POT1: variants seen among roughly 807,000 people sequenced by gnomAD.
POT1 encodes protection of telomeres 1, also known as protection of telomeres protein 1.
POT1 carries 47 observed loss-of-function variants against 78.5 expected under a neutral mutation model. The ratio of observed to expected loss-of-function variants is 0.60; its 90% CI spans 0.47 to 0.76. The LOEUF (loss-of-function observed/expected upper bound fraction) is 0.76, where lower values mean the gene tolerates loss of function less well. POT1 is among the 30% of genes least tolerant of loss of function. POT1 has a pLI of 0.00. For synonymous variants in POT1, 259 were observed against 260.7 expected, an observed-to-expected ratio of 0.99 and a Z score of 0.06; for missense variants, 646 against 749.9, an observed-to-expected ratio of 0.86 and a Z score of 1.62.
chr7:124,882,227 A>G (rs1293839262), intron 6 of POT1, among the ~76,000 whole-genome samples: 1 of 152,038 alleles, frequency 6.6e-6, no homozygotes, highest in Non-Finnish European at 1.5e-5. Flanking sequence ...TCTCCTTTTT[A>G]TCTACTAAAA....
intron 6 of POT1, among the ~76,000 whole-genome samples, chr7:124,884,534 A>G (rs1209275988): frequency 6.6e-6 from 1 of 152,136 alleles, no homozygotes; most frequent in Non-Finnish European, 1.5e-5. Context: ...AACAGACCAT[A>G]CCTGAGGTAA....
At chr7:124,926,683 A>G (rs536912721) in intron 2 of POT1, among the ~76,000 whole-genome samples, 4 of 152,326 alleles carry the variant, frequency 2.6e-5, no homozygotes, top group Admixed American at 6.5e-5. Flanking sequence ...AATCAACCAA[A>G]GTGTACATCG....
chr7:124,846,184 C>CACACACACACACACA (rs1554421673), intron 12 of POT1, among the ~76,000 whole-genome samples: 3 of 150,572 alleles, frequency 2.0e-5, no homozygotes, highest in Admixed American at 6.6e-5. Flanking sequence ...CACACACACA[C>CACACACACACACACA]CCCTATAATA....
chr7:124,926,159 A>G (rs985187443), intron 2 of POT1, among the ~76,000 whole-genome samples: 1 of 152,116 alleles, frequency 6.6e-6, no homozygotes, highest in Non-Finnish European at 1.5e-5. Context: ...AACAGAATGA[A>G]CAATCTCAGG....
chr7:124,837,189 A>G (rs978150472), intron 14 of POT1: 5 of 301,750 alleles, frequency 1.7e-5, no homozygotes, highest in Non-Finnish European at 3.3e-5. Flanking sequence ...TCTGTTTACA[A>G]AGGGGATATA....
chr7:124,902,098 C>T (rs961817519), intron 3 of POT1, among the ~76,000 whole-genome samples: 1 of 152,210 alleles, frequency 6.6e-6, no homozygotes, highest in Non-Finnish European at 1.5e-5. Context: ...TTGGAAAACA[C>T]TCTCCAGGAT....
Position 124,871,102 on chromosome 7 carries a change from G to A in POT1, c.125-61C>T, listed in dbSNP as rs199878533. The A allele has an allele frequency of 2.9e-5, 41 of 1,407,182 alleles. No individual in the cohort carries two copies. In the East Asian group the frequency reaches 9.8e-4, roughly 34 times the overall value. 87.2% of individuals were successfully genotyped at this position (1,407,182 alleles called of 1,614,324 possible). On this transcript the variant is annotated intron_variant, in intron 6 of 18. Transcript: ENST00000357628. ...TATTTTAAAGCATTTGATAAAATAA[G>A]AATATGCTTACTTCAAAACACCAAA...
intron 2 of POT1, among the ~76,000 whole-genome samples, chr7:124,925,620 A>T (rs1797255237): frequency 6.6e-6 from 1 of 152,156 alleles, no homozygotes; most frequent in Admixed American, 6.5e-5. Context: ...TAAAGTTCAT[A>T]TGGAACCAAA....
chr7:124,891,946 A>G (rs1796381412), intron 6 of POT1, among the ~76,000 whole-genome samples: 1 of 151,564 alleles, frequency 6.6e-6, no homozygotes, highest in South Asian at 2.1e-4. Flanking sequence ...TTATGCATCA[A>G]TGTTACAGAA....
At chr7:124,911,282 C>A (rs1354841955) in intron 3 of POT1, among the ~76,000 whole-genome samples, 1 of 152,078 alleles carries the variant, frequency 6.6e-6, no homozygotes, top group Non-Finnish European at 1.5e-5. Context: ...CAAAGGGATT[C>A]ATTTGGAGCA....
rs746796357 is a variant in POT1, at chr7:124,829,282, T to C, written c.1566A>G (p.Thr522=). 10 of 1,605,306 alleles carry C rather than the reference T, an allele frequency of 6.2e-6. No homozygotes were observed. The highest frequency in any genetic ancestry group is 7.7e-6 in the Non-Finnish European group (9 of 1,172,286). ...CTGCCACAGAAGAAGGAATCCACGA[T>C]GTTTTATCAACCAGGGAATTTAGAT... ...IQNLNSLVDK[T]SWIPSSVAEA... is the part of the protein sequence containing the mutation. The change falls in exon 16 of 19, where the codon ACA becomes ACG. Residue 522 remains threonine, a synonymous_variant. Transcript: ENST00000357628.
chr7:124,831,999 TAA>T (rs752861454), intron 15 of POT1, among the ~76,000 whole-genome samples: 895 of 75,628 alleles, frequency 0.012, 6 homozygotes, highest in African/African-American at 0.035. Flanking sequence ...TTCTTAAAAA[TAA>T]AAAAAAAAAA....
chr7:124,872,020 A>G (rs1001470258), intron 6 of POT1, among the ~76,000 whole-genome samples: 3 of 151,950 alleles, frequency 2.0e-5, no homozygotes, highest in Admixed American at 6.6e-5. Context: ...TCTCCCCAAA[A>G]CCTTCCCATA....
rs866612394 is a variant in POT1 at position 124,841,179 on chromosome 7, C to T, written c.1164-1G>A. 64 of 1,609,146 alleles carry T rather than the reference C, an allele frequency of 4.0e-5. No homozygotes were observed. The highest frequency in any genetic ancestry group is 5.4e-5 in the Non-Finnish European group (64 of 1,177,706). ...ATCGCCCTCATGTGGAACTTCTTGC[C>T]TAAAATTATTGGCAATGAAATGATA... On this transcript the variant is annotated splice_acceptor_variant, in intron 13 of 18. Transcript: ENST00000357628. LOFTEE classifies it high-confidence loss of function.
At chr7:124,835,497 T>A in intron 14 of POT1, 83 bp from the exon 15 acceptor site, 1 of 1,413,470 alleles carries the variant, frequency 7.1e-7, no homozygotes, top group Non-Finnish European at 9.7e-7. Context: ...GTGTGAGGTA[T>A]AATAAAAGAC....
At chr7:124,921,464 C>T (rs944007202) in intron 2 of POT1, among the ~76,000 whole-genome samples, 2 of 151,666 alleles carry the variant, frequency 1.3e-5, no homozygotes, top group Non-Finnish European at 2.9e-5. Context: ...AAAGAAAATT[C>T]CAGGAAAATA....
intron 2 of POT1, among the ~76,000 whole-genome samples, chr7:124,916,239 T>C (rs1419700454): frequency 6.6e-6 from 1 of 152,146 alleles, no homozygotes; most frequent in East Asian, 1.9e-4. Context: ...ATTCCAGACT[T>C]TGATATAGCT....
At chr7:124,898,803 C>T (rs775893845) in intron 3 of POT1, among the ~76,000 whole-genome samples, 14 of 152,036 alleles carry the variant, frequency 9.2e-5, no homozygotes, top group South Asian at 2.1e-4. Flanking sequence ...AAATACAGGG[C>T]ATGGACATAA....
intron 5 of POT1, 149 bp from the exon 6 acceptor site, chr7:124,892,529 C>T (rs756222845): frequency 7.3e-5 from 32 of 441,102 alleles, no homozygotes; most frequent in Non-Finnish European, 1.1e-4. Context: ...GCAATGCACA[C>T]AGCTTAGCTT....
Sources: allele counts gnomAD v4.1 joint callset (sites outside exome capture counted in the v4.1 genomes callset), GRCh38; gene constraint gnomAD v4.1.1; transcripts MANE v1.5; gene names NCBI Gene and HGNC (gene_info 2026-07-23, HGNC 2026-07-21).